CYTIP: variants seen among roughly 807,000 people sequenced by gnomAD.
The protein encoded by CYTIP is cytohesin-interacting protein.
A neutral mutation model predicts 43.8 loss-of-function variants in CYTIP; 26 were observed. The observed-to-expected ratio is 0.59, with a 90% CI of 0.44 to 0.82. The LOEUF is 0.82. Ranked by LOEUF, CYTIP falls within the 40% of genes least tolerant of loss-of-function variation. The pLI is 0.00. For synonymous variants in CYTIP, 162 were observed against 162.9 expected (o/e 0.99, Z 0.04); for missense variants, 426 against 443.1 (o/e 0.96, Z 0.35).
intron 1 of CYTIP, among the ~76,000 whole-genome samples, chr2:157,437,001 A>G (rs1335177486): frequency 1.3e-5 from 2 of 152,190 alleles, no homozygotes; most frequent in African/African-American, 2.4e-5. Context: ...ACAACTGTAT[A>G]TCCATATGCA....
At chr2:157,428,665 A>C (rs894843275) in intron 5 of CYTIP, among the ~76,000 whole-genome samples, 1 of 152,186 alleles carries the variant, frequency 6.6e-6, no homozygotes, top group African/African-American at 2.4e-5. Flanking sequence ...CATGTGGAAC[A>C]TGCTTTCTGA....
At chr2:157,437,658 C>T (rs571625398) in intron 1 of CYTIP, among the ~76,000 whole-genome samples, 2 of 147,794 alleles carry the variant, frequency 1.4e-5, no homozygotes, top group East Asian at 2.0e-4. Context: ...TGAGATCATG[C>T]CATTGCACTC....
intron 6 of CYTIP, among the ~76,000 whole-genome samples, chr2:157,419,273 G>A (rs761049801): frequency 1.1e-4 from 17 of 152,178 alleles, no homozygotes; most frequent in South Asian, 2.1e-4. Flanking sequence ...GATTACAGGC[G>A]TGAGGCACCG....
At chr2:157,424,377 A>G (rs1363584372) in intron 6 of CYTIP, among the ~76,000 whole-genome samples, 1 of 152,200 alleles carries the variant, frequency 6.6e-6, no homozygotes, top group Non-Finnish European at 1.5e-5. Flanking sequence ...CAGAGGACTA[A>G]GTCTAACAGA....
intron 7 of CYTIP, 50 bp downstream of exon 7, chr2:157,418,473 A>G: frequency 4.6e-6 from 7 of 1,529,038 alleles, no homozygotes; most frequent in Non-Finnish European, 6.2e-6. Context: ...AGGCAGAAAT[A>G]CTGAAAGAAG....
At chr2:157,441,142 CCAA>C (rs1685906523) in intron 1 of CYTIP, among the ~76,000 whole-genome samples, 2 of 152,084 alleles carry the variant, frequency 1.3e-5, no homozygotes, top group African/African-American at 4.8e-5. Flanking sequence ...GAAACCAAAG[CCAA>C]CAACAACAAG....
chr2:157,439,057 A>G (rs530155956), intron 1 of CYTIP: 4 of 221,062 alleles, frequency 1.8e-5, no homozygotes, highest in African/African-American at 7.0e-5. Flanking sequence ...TAACCTTTCT[A>G]TCTAGCTAAT....
chr2:157,434,589 T>C, intron 2 of CYTIP, 109 bp downstream of exon 2: 3 of 799,124 alleles, frequency 3.8e-6, no homozygotes, highest in South Asian at 3.0e-5. Flanking sequence ...CGTCTGTGTG[T>C]GTGCGTAGAG....
At chr2:157,440,484 C>T (rs1685888311) in intron 1 of CYTIP, among the ~76,000 whole-genome samples, 1 of 152,094 alleles carries the variant, frequency 6.6e-6, no homozygotes, top group Non-Finnish European at 1.5e-5. Context: ...CAGTTTTCTA[C>T]CTAAAATTGT....
chr2:157,433,772 T>A (rs1248250697), intron 3 of CYTIP, among the ~76,000 whole-genome samples: 1 of 152,176 alleles, frequency 6.6e-6, no homozygotes, highest in Non-Finnish European at 1.5e-5. Context: ...TCCTACAGCA[T>A]GAGGCAATCT....
chr2:157,443,828 T>C lies in CYTIP; in HGVS notation c.174+19A>G. On this transcript the variant is annotated intron_variant, in intron 1 of 7. Transcript: ENST00000264192. ...AAGAGAATGTGAACACTCTAAAGGG[T>C]ACAAAATAGCAATCATACCTGCTTT... is the stretch of plus-strand genomic sequence containing the variant. The C allele has an allele frequency of 2.5e-6, 4 of 1,613,056 alleles. No individual in the cohort carries two copies. The highest frequency in any genetic ancestry group is 3.4e-6 in the Non-Finnish European group (4 of 1,179,368).
At chr2:157,439,349 G>A (rs1407843655) in intron 1 of CYTIP, 3 of 152,314 alleles carry the variant, frequency 2.0e-5, no homozygotes, top group African/African-American at 7.2e-5. Flanking sequence ...TCAGACTCAG[G>A]CGATGTGGAA....
At position 157,427,363 on chromosome 2, in the gene CYTIP, C is replaced by T; in HGVS notation, c.534G>A (p.Leu178=). ...ILKRTELEAK[L]QVLKQTLKQK... ...TAAATTAAATTACCTTTAAAACCTGCAGCTTTGCTTCAAGCTCCGTTCTTT... is the reference window on the plus strand; with the variant it reads ...TAAATTAAATTACCTTTAAAACCTGTAGCTTTGCTTCAAGCTCCGTTCTTT... Residue 178 remains leucine (L), a synonymous_variant, in exon 6 of 8, where the codon CTG becomes CTA. Coordinates refer to ENST00000264192, the MANE Select transcript of CYTIP (RefSeq NM_004288.5). 6.2e-7 allele frequency: 1 copy of T among 1,609,790 alleles called. No individual in the cohort carries two copies. Among genetic ancestry groups the T allele is most frequent in the Non-Finnish European group, 8.5e-7 (1 of 1,178,412 alleles).
chr2:157,430,009 C>T (rs1022501888), intron 5 of CYTIP, among the ~76,000 whole-genome samples: 1 of 134,744 alleles, frequency 7.4e-6, no homozygotes, highest in East Asian at 2.1e-4. Context: ...GGCGACAGAG[C>T]GAGACTCCGT....
rs926395372 is a variant in CYTIP at position 157,414,710 on chromosome 2, T to C, written c.*967A>G. 1 of 152,234 alleles carries C rather than the reference T, an allele frequency of 6.6e-6. No homozygotes were observed. Among genetic ancestry groups the C allele is most frequent in the Non-Finnish European group, 1.5e-5 (1 of 68,008 alleles). The allele number at this position is 152,234 out of a possible 1,614,324, so 9.4% of individuals were successfully genotyped here. A position where few individuals can be genotyped will look rare whatever the true frequency, so the allele number is the denominator to read the frequency against. On this transcript the variant is annotated 3_prime_UTR_variant, in exon 8 of 8. Coordinates refer to ENST00000264192, the MANE Select transcript of CYTIP (RefSeq NM_004288.5). Reference sequence around the variant, plus strand: ...CTGTGCCACCAGAACAGAGAATTCATAGACTTCAATGGATATTAAATAAAA... The same window carrying C: ...CTGTGCCACCAGAACAGAGAATTCACAGACTTCAATGGATATTAAATAAAA...
rs1573851741 is a variant in CYTIP, at chr2:157,415,662, G to T, written c.*15C>A. 1 of 1,548,584 alleles carries T rather than the reference G, an allele frequency of 6.5e-7. No individual in the cohort carries two copies. The highest frequency in any genetic ancestry group is 1.4e-5 in the African/African-American group (1 of 73,544). On this transcript the variant is annotated 3_prime_UTR_variant, in exon 8 of 8. Transcript: ENST00000264192. Reference sequence around the variant, plus strand: ...ATTTGTGAAATAAGCTAATTTGAAAGGACACCACAATCCGTCAAAAGCGAC... The same window carrying T: ...ATTTGTGAAATAAGCTAATTTGAAATGACACCACAATCCGTCAAAAGCGAC...
chr2:157,431,223 A>T (rs1685710583), intron 3 of CYTIP, among the ~76,000 whole-genome samples: 1 of 152,194 alleles, frequency 6.6e-6, no homozygotes, highest in African/African-American at 2.4e-5. Context: ...CAAGCCCAAG[A>T]TATCACCTGA....
intron 1 of CYTIP, among the ~76,000 whole-genome samples, chr2:157,442,616 G>C (rs1450897397): frequency 2.0e-5 from 3 of 152,138 alleles, no homozygotes; most frequent in African/African-American, 7.2e-5. Flanking sequence ...TTTATCTTCA[G>C]ACAGGTTGTA....
At chr2:157,433,855 C>A (rs1685751596) in intron 3 of CYTIP, among the ~76,000 whole-genome samples, 1 of 152,120 alleles carries the variant, frequency 6.6e-6, no homozygotes, top group Admixed American at 6.6e-5. Flanking sequence ...AAAAAAGCTA[C>A]AAATTGCTCA....
Sources: allele counts gnomAD v4.1 joint callset (sites outside exome capture counted in the v4.1 genomes callset), GRCh38; gene constraint gnomAD v4.1.1; transcripts MANE v1.5; gene names NCBI Gene and HGNC (gene_info 2026-07-23, HGNC 2026-07-21).